ENO1: variants seen among roughly 807,000 people sequenced by gnomAD.
ENO1 encodes the protein alpha-enolase.
ENO1 carries 33 observed loss-of-function variants against 46.3 expected under a neutral mutation model. The observed-to-expected ratio is 0.71, with a 90% CI of 0.54 to 0.95. ENO1 has a LOEUF of 0.95. Ranked by LOEUF, ENO1 falls within the 40% of genes least tolerant of loss-of-function variation. The pLI is 0.00. For missense variants in ENO1, 488 were observed against 553.3 expected, an observed-to-expected ratio of 0.88 and a Z score of 1.18; for synonymous variants, 220 against 216.0, an observed-to-expected ratio of 1.02 and a Z score of -0.16.
At chr1:8,869,228 TAA>T (rs997021368) in intron 4 of ENO1, among the ~76,000 whole-genome samples, 1 of 147,940 alleles carries the variant, frequency 6.8e-6, no homozygotes, top group African/African-American at 2.7e-5. Context: ...TCTAGGGGGT[TAA>T]AAAAAAGTCA....
Position 8,862,588 on chromosome 1 carries a change from G to T in ENO1, c.1235+299C>A, listed in dbSNP as rs1642427295. ...GATCATATGAAGGAGCTCTCTGAAA[G>T]CTCTAAGAAAGTCATGCATCAGCTG... On this transcript the variant is annotated intron_variant, in intron 11 of 11. Coordinates refer to ENST00000234590, the MANE Select transcript of ENO1 (RefSeq NM_001428.5). Among the ~76,000 whole-genome samples the T allele has an allele frequency of 2.6e-5, 4 of 152,234 alleles. No individual in the cohort carries two copies. In the South Asian group the frequency reaches 8.3e-4, roughly 31 times the overall value.
rs1463676290 is a variant in ENO1 at position 8,866,425 on chromosome 1, C to A, written c.521G>T (p.Gly174Val). 1.9e-6 allele frequency: 3 copies of A among 1,614,116 alleles called. No individual in the cohort carries two copies. Among genetic ancestry groups the A allele is most frequent in the East Asian group, 2.2e-5 (1 of 44,894 alleles). Residue 174 changes from glycine (G) to valine (V), a missense_variant, in exon 7 of 12, where the codon GGT becomes GTT. Physicochemically the swap from Gly to Val is moderately radical, Grantham distance 109. Transcript: ENST00000234590. ...AMQEFMILPV[G>V]AANFREAMRI... ...CATGGCTTCCCTGAAGTTTGCTGCA[C>A]CGACTGGGAGGATCATGAACTCCTG...
At chr1:8,874,731 A>AT (rs565264603) in intron 2 of ENO1, 93 bp downstream of exon 2, 8,062 of 1,044,550 alleles carry the variant, frequency 7.7e-3, no homozygotes, top group Middle Eastern at 8.6e-3. Flanking sequence ...GCTTTAACAG[A>AT]TTTTTTTTTT....
intron 9 of ENO1, 44 bp downstream of exon 9, chr1:8,863,847 A>G (rs1328840108): frequency 6.2e-7 from 1 of 1,607,374 alleles, no homozygotes; most frequent in Non-Finnish European, 8.5e-7. Context: ...TCTGATTCAC[A>G]AGCCGTAGCT....
Position 8,866,269 on chromosome 1 carries a change from G to A in ENO1, c.667+10C>T. On this transcript the variant is annotated intron_variant, in intron 7 of 11. Transcript: ENST00000234590. ...GGCTGGGTGGGGGGGCGGTTCCCTA[G>A]CGCCTTTACCTTCTTTATTCTCCAG... 6.2e-7 allele frequency: 1 copy of A among 1,613,486 alleles called. No homozygotes were observed. Among genetic ancestry groups the A allele is most frequent in the Non-Finnish European group, 8.5e-7 (1 of 1,179,902 alleles).
At chr1:8,867,387 A>C in intron 5 of ENO1, 137 bp from the exon 6 acceptor site, 1 of 1,268,182 alleles carries the variant, frequency 7.9e-7, no homozygotes, top group Non-Finnish European at 1.1e-6. Flanking sequence ...CTAGAAATAC[A>C]AATAGCATTC....
In ENO1 at chr1:8,863,974, G is replaced by T. The variant is rs1196880503; in HGVS notation, c.984C>A (p.Ile328=). The T allele has an allele frequency of 3.1e-6, 5 of 1,614,034 alleles. No individual in the cohort carries two copies. The highest frequency in any genetic ancestry group is 4.2e-6 in the Non-Finnish European group (5 of 1,180,038). ...DDLTVTNPKR[I]AKAVNEKSCN... ...AGGACTTCTCGTTCACGGCCTTGGC[G>T]ATCCTCTTTGGGTTGGTCACTGTGA... Residue 328 remains isoleucine, a synonymous_variant, in exon 9 of 12, where the codon ATC becomes ATA. Coordinates refer to ENST00000234590, the MANE Select transcript of ENO1 (RefSeq NM_001428.5).
At chr1:8,863,005 G>T in intron 10 of ENO1, 60 bp from the exon 11 acceptor site, 1 of 1,593,704 alleles carries the variant, frequency 6.3e-7, no homozygotes, top group South Asian at 1.1e-5. Context: ...ATTTCTGGCA[G>T]GGAGAGGGTG....
intron 8 of ENO1, among the ~76,000 whole-genome samples, chr1:8,864,989 C>G (rs1207489941): frequency 6.6e-6 from 1 of 152,188 alleles, no homozygotes; most frequent in Non-Finnish European, 1.5e-5. Flanking sequence ...ATTCTGAAGG[C>G]TTGGTTCCCT....
chr1:8,863,955 T>C lies in ENO1; in HGVS notation c.1003A>G (p.Lys335Glu), dbSNP rs771843287. Reference protein sequence around the residue: ...PKRIAKAVNEKSCNCLLLKVN... With the variant: ...PKRIAKAVNEESCNCLLLKVN... ...TTGAGCAGGAGGCAGTTGCAGGACTTCTCGTTCACGGCCTTGGCGATCCTC... is the reference window on the plus strand; with the variant it reads ...TTGAGCAGGAGGCAGTTGCAGGACTCCTCGTTCACGGCCTTGGCGATCCTC... The change falls in exon 9 of 12, where the codon AAG becomes GAG. Residue 335 changes from lysine to glutamate, a missense_variant. Coordinates refer to ENST00000234590, the MANE Select transcript of ENO1 (RefSeq NM_001428.5). 6.8e-6 allele frequency: 11 copies of C among 1,613,936 alleles called. No individual in the cohort carries two copies. The highest frequency in any genetic ancestry group is 9.3e-6 in the Non-Finnish European group (11 of 1,180,002).
chr1:8,866,438 T>A lies in ENO1; in HGVS notation c.508A>T (p.Ile170Phe), dbSNP rs1444415038. Residue 170 changes from isoleucine to phenylalanine, a missense_variant, in exon 7 of 12, where the codon ATC (isoleucine) becomes TTC (phenylalanine). Ile to Phe is a conservative substitution (Grantham distance 21). Coordinates refer to ENST00000234590, the MANE Select transcript of ENO1 (RefSeq NM_001428.5). ...GNKLAMQEFM[I>F]LPVGAANFRE... is the part of the protein sequence containing the mutation. ...AAGTTTGCTGCACCGACTGGGAGGA[T>A]CATGAACTCCTGCATGGCCAGCTTG... 5.6e-6 allele frequency: 9 copies of A among 1,614,182 alleles called. No homozygotes were observed. Among genetic ancestry groups the A allele is most frequent in the Non-Finnish European group, 7.6e-6 (9 of 1,180,052 alleles).
chr1:8,871,726 C>T, intron 3 of ENO1, 165 bp downstream of exon 3: 2 of 1,262,580 alleles, frequency 1.6e-6, no homozygotes, highest in South Asian at 1.6e-5. Context: ...ACCAACTTTC[C>T]TGTCCACAAG....
chr1:8,867,733 C>T (rs28999080), intron 5 of ENO1, among the ~76,000 whole-genome samples: 6,340 of 151,960 alleles, frequency 0.042, 418 homozygotes, highest in African/African-American at 0.15. Flanking sequence ...GGTTTCACCA[C>T]GTTGGCCAGG....
chr1:8,868,556 C>T (rs1342186677), intron 4 of ENO1, among the ~76,000 whole-genome samples: 1 of 152,148 alleles, frequency 6.6e-6, no homozygotes, highest in African/African-American at 2.4e-5. Context: ...TGCAGGTAGT[C>T]CGAAATCATT....
At chr1:8,870,589 T>C in intron 3 of ENO1, 79 bp from the exon 4 acceptor site, 2 of 1,597,322 alleles carry the variant, frequency 1.3e-6, no homozygotes, top group Non-Finnish European at 1.7e-6. Flanking sequence ...AGAACCACTG[T>C]TGAGGCCGAC....
rs772576829 is a variant in ENO1 at position 8,863,885 on chromosome 1, A to G, written c.1067+6T>C. ...GGGAAAGCTGCTCGCCTGGGAAGAC[A>G]CTTACGCCTGAAGAGACTCGGTCAC... is the stretch of plus-strand genomic sequence containing the variant. On this transcript the variant is annotated splice_donor_region_variant and intron_variant, in intron 9 of 11. Coordinates refer to ENST00000234590, the MANE Select transcript of ENO1 (RefSeq NM_001428.5). 6.2e-7 allele frequency: 1 copy of G among 1,614,120 alleles called. No individual in the cohort carries two copies. The highest frequency in any genetic ancestry group is 2.2e-5 in the East Asian group (1 of 44,880).
At chr1:8,876,675 ATCACGAGG>A (rs541162995) in intron 1 of ENO1, among the ~76,000 whole-genome samples, 208 of 152,138 alleles carry the variant, frequency 1.4e-3, no homozygotes, top group African/African-American at 4.8e-3. Flanking sequence ...AGGAGGGTGG[ATCACGAGG>A]TCAGGAGAGG....
At chr1:8,861,946 G>GGTCA (rs1291410717) in intron 11 of ENO1, among the ~76,000 whole-genome samples, 3 of 150,204 alleles carry the variant, frequency 2.0e-5, no homozygotes, top group Non-Finnish European at 4.4e-5. Context: ...GATCACCCGA[G>GGTCA]GTCAGCTTGA....
rs374790772 is a variant in ENO1, at chr1:8,871,927, G to A, written c.145C>T (p.Leu49Phe). Residue 49 changes from leucine to phenylalanine, a missense_variant, in exon 3 of 12, where the codon CTC becomes TTC. By Grantham distance (22) the Leu-to-Phe change is conservative (BLOSUM62 0). Transcript: ENST00000234590. ...ASTGIYEALELRDNDKTRYMG... is the reference protein window; with the variant it reads ...ASTGIYEALEFRDNDKTRYMG... Reference sequence around the variant, plus strand: ...TAGCGAGTCTTATCATTGTCCCGGAGCTCTAGGGCCTCATAGATACCAGTT... The same window carrying A: ...TAGCGAGTCTTATCATTGTCCCGGAACTCTAGGGCCTCATAGATACCAGTT... 4 of 1,614,040 alleles carry A rather than the reference G, an allele frequency of 2.5e-6. No homozygotes were observed. The highest frequency in any genetic ancestry group is 2.2e-5 in the East Asian group (1 of 44,896).
Sources: gnomAD v4.1 joint callset for allele counts (sites outside exome capture counted in the v4.1 genomes callset) on GRCh38, gnomAD v4.1.1 for gene constraint, MANE v1.5 for transcripts, NCBI Gene and HGNC (gene_info 2026-07-23, HGNC 2026-07-21) for gene names.